Variants in HDAC8 observed in about 807,000 individuals in gnomAD.
The protein encoded by HDAC8 is histone deacetylase 8, also known as histone deacetylase-like 1.
HDAC8 carries 1 observed loss-of-function variant against 32.2 expected under a neutral mutation model. That is an observed-to-expected ratio of 0.03 (90% CI 0.01 to 0.15). The LOEUF is 0.15. Ranked by LOEUF, HDAC8 falls within the 10% of genes least tolerant of loss-of-function variation. The pLI is 1.00. For synonymous variants in HDAC8, 108 were observed against 113.9 expected (o/e 0.95, Z 0.33); for missense variants, 117 against 300.0 (o/e 0.39, Z 4.51).
intron 4 of HDAC8, among the ~76,000 whole-genome samples, chrX:72,565,952 G>A (rs2051766691): frequency 9.0e-6 from 1 of 110,879 alleles, no homozygotes; most frequent in African/African-American, 3.3e-5. Flanking sequence ...TTTGAGACCA[G>A]CCTGGGCAAC....
At chrX:72,559,533 C>T (rs1165140751) in intron 4 of HDAC8, among the ~76,000 whole-genome samples, 1 of 109,979 alleles carries the variant, frequency 9.1e-6, no homozygotes, top group African/African-American at 3.3e-5. Flanking sequence ...GGCCGCCCAT[C>T]GTCTGGGATG....
intron 4 of HDAC8, among the ~76,000 whole-genome samples, chrX:72,522,081 C>T (rs1556029120): frequency 8.9e-6 from 1 of 111,929 alleles, no homozygotes; most frequent in African/African-American, 3.3e-5. Context: ...TCAGGGCTTA[C>T]CCAGTGGGTG....
intron 9 of HDAC8, among the ~76,000 whole-genome samples, chrX:72,411,030 C>CTTTTCTTTTCTTTCTTTCTTTCTTT (rs113344428): frequency 0.019 from 1,584 of 83,497 alleles, 64 homozygotes; most frequent in African/African-American, 0.076. Context: ...TTCTTTCTTT[C>CTTTTCTTTTCTTTCTTTCTTTCTTT]TTTTTTTTTT....
At chrX:72,498,910 G>T (rs1396688065) in intron 4 of HDAC8, among the ~76,000 whole-genome samples, 2 of 111,431 alleles carry the variant, frequency 1.8e-5, no homozygotes, top group African/African-American at 6.5e-5. Context: ...GGTCATGGGG[G>T]TGTATCCCTT....
At chrX:72,441,111 C>T (rs2047126907) in intron 9 of HDAC8, among the ~76,000 whole-genome samples, 1 of 113,027 alleles carries the variant, frequency 8.8e-6, no homozygotes, top group Non-Finnish European at 1.9e-5. Context: ...GGGCAGGGCA[C>T]AGACAAACAA....
At chrX:72,450,253 T>C (rs1297409047) in intron 9 of HDAC8, among the ~76,000 whole-genome samples, 1 of 110,745 alleles carries the variant, frequency 9.0e-6, no homozygotes, top group Non-Finnish European at 1.9e-5. Flanking sequence ...CGTGATGGAG[T>C]AGGGGAAAAG....
At position 72,394,931 on chromosome X, in the gene HDAC8, G is replaced by C. The variant is rs183070298; in HGVS notation, c.1006-43093C>G. Among the ~76,000 whole-genome samples the C allele has an allele frequency of 1.1e-3, 117 of 111,353 alleles. 5 individuals are homozygous for C. The Admixed American group carries it at 0.011, about 10-fold the overall frequency. ...AGGGGCAAATTATGTGAGCATTTGG[G>C]TGCTGGACTGCAGCCACCCTTGGCA... On this transcript the variant is annotated intron_variant, in intron 9 of 10. Transcript: ENST00000373573.
intron 4 of HDAC8, among the ~76,000 whole-genome samples, chrX:72,555,929 G>A (rs2051267561): frequency 8.9e-6 from 1 of 112,259 alleles, no homozygotes; most frequent in African/African-American, 3.2e-5. Flanking sequence ...ATTGCAAAAT[G>A]ATCATCACCT....
intron 10 of HDAC8, chrX:72,351,347 G>A: frequency 5.5e-6 from 1 of 180,270 alleles, no homozygotes; most frequent in Non-Finnish European, 1.0e-5. Context: ...CAATCCTCCC[G>A]CCTCAGCCAC....
At chrX:72,343,258 C>T (rs370491823) in intron 10 of HDAC8, among the ~76,000 whole-genome samples, 5 of 109,223 alleles carry the variant, frequency 4.6e-5, no homozygotes, top group Non-Finnish European at 9.5e-5. Flanking sequence ...CAGCCTTGAC[C>T]TCCTGGGCTC....
chrX:72,489,122 T>TCC, intron 6 of HDAC8, 81 bp from the exon 7 acceptor site: 2 of 646,284 alleles, frequency 3.1e-6, no homozygotes, highest in Non-Finnish European at 4.8e-6. Context: ...GATAGGGAAA[T>TCC]TTCTAGGGAA....
chrX:72,413,958 T>C (rs1352278395), intron 9 of HDAC8, among the ~76,000 whole-genome samples: 2 of 111,966 alleles, frequency 1.8e-5, no homozygotes, highest in Non-Finnish European at 3.8e-5. Context: ...TCAGTCTCTG[T>C]GACATTGGAA....
chrX:72,463,718 G>A (rs7877318), intron 8 of HDAC8, among the ~76,000 whole-genome samples: 1 of 111,867 alleles, frequency 8.9e-6, no homozygotes, highest in South Asian at 3.7e-4. Flanking sequence ...GTGTACTTGT[G>A]TTGAATGCCC....
At chrX:72,447,679 T>A (rs1389967565) in intron 9 of HDAC8, among the ~76,000 whole-genome samples, 2 of 111,767 alleles carry the variant, frequency 1.8e-5, no homozygotes, top group Admixed American at 1.9e-4. Context: ...GATTGTATAT[T>A]TAGAAAACCC....
chrX:72,532,671 T>C (rs1556036782), intron 4 of HDAC8, among the ~76,000 whole-genome samples: 1 of 110,445 alleles, frequency 9.1e-6, no homozygotes, highest in South Asian at 3.8e-4. Flanking sequence ...ATATCTTTTT[T>C]TGAGAAACAT....
chrX:72,541,729 C>A (rs2050715059), intron 4 of HDAC8, among the ~76,000 whole-genome samples: 1 of 111,254 alleles, frequency 9.0e-6, no homozygotes, highest in Non-Finnish European at 1.9e-5. Flanking sequence ...GGTTTTTTTA[C>A]AGATTGAATT....
At chrX:72,391,681 G>A (rs184094033) in intron 9 of HDAC8, among the ~76,000 whole-genome samples, 1 of 111,594 alleles carries the variant, frequency 9.0e-6, no homozygotes, top group African/African-American at 3.2e-5. Context: ...GCTTTAATGA[G>A]CTTTTGCACA....
chrX:72,479,181 C>T (rs1339514233), intron 7 of HDAC8, among the ~76,000 whole-genome samples: 1 of 111,606 alleles, frequency 9.0e-6, no homozygotes, highest in Non-Finnish European at 1.9e-5. Flanking sequence ...CAGGCACAGT[C>T]GTTCAAAGCC....
chrX:72,534,212 A>G (rs1035548994), intron 4 of HDAC8, among the ~76,000 whole-genome samples: 6 of 109,205 alleles, frequency 5.5e-5, no homozygotes, highest in Non-Finnish European at 9.5e-5. Context: ...TTTTATTTCT[A>G]TATAGTAGCA....
Sources: allele counts gnomAD v4.1 joint callset (sites outside exome capture counted in the v4.1 genomes callset), GRCh38; gene constraint gnomAD v4.1.1; transcripts MANE v1.5; gene names NCBI Gene and HGNC (gene_info 2026-07-23, HGNC 2026-07-21).